ANKRD18B: variants seen among roughly 807,000 people sequenced by gnomAD.
ANKRD18B encodes the protein ankyrin repeat domain 18B, also known as ankyrin repeat domain-containing protein 18B.
Under a neutral mutation model 111.8 loss-of-function variants are expected in ANKRD18B, and 75 were observed. The ratio of observed to expected loss-of-function variants is 0.67; its 90% CI spans 0.56 to 0.81. The LOEUF (loss-of-function observed/expected upper bound fraction) is 0.81. Among genes scored for constraint, ANKRD18B ranks in the 40% least tolerant of loss-of-function variants. The pLI is 0.00. For synonymous variants in ANKRD18B, 356 were observed against 417.3 expected, an observed-to-expected ratio of 0.85 and a Z score of 1.79; for missense variants, 1,038 against 1,225.5, an observed-to-expected ratio of 0.85 and a Z score of 2.28.
At chr9:33,554,946 C>G (rs1828500452) in intron 12 of ANKRD18B, among the ~76,000 whole-genome samples, 1 of 149,790 alleles carries the variant, frequency 6.7e-6, no homozygotes. Context: ...TGCCAAGCAA[C>G]CCAGATGTCT....
chr9:33,569,005 T>C, intron 17 of ANKRD18B, 112 bp downstream of exon 17: 1 of 1,019,526 alleles, frequency 9.8e-7, no homozygotes, highest in Non-Finnish European at 1.4e-6. Context: ...TAAGTAAAGA[T>C]TATAATTAGC....
intron 10 of ANKRD18B, among the ~76,000 whole-genome samples, chr9:33,546,090 T>C (rs905315785): frequency 2.6e-5 from 4 of 152,196 alleles, no homozygotes; most frequent in Non-Finnish European, 5.9e-5. Context: ...GCTAAAGAAA[T>C]ACTGTCTAGA....
intron 4 of ANKRD18B, among the ~76,000 whole-genome samples, chr9:33,534,011 T>C (rs1183411902): frequency 6.6e-6 from 1 of 151,966 alleles, no homozygotes; most frequent in African/African-American, 2.4e-5. Flanking sequence ...AATTACAATA[T>C]AATTCGAAGC....
At chr9:33,546,004 A>G (rs1455427635) in intron 10 of ANKRD18B, among the ~76,000 whole-genome samples, 1 of 152,164 alleles carries the variant, frequency 6.6e-6, no homozygotes, top group Non-Finnish European at 1.5e-5. Context: ...GAGTTTTCCA[A>G]GTGGCATATG....
intron 10 of ANKRD18B, among the ~76,000 whole-genome samples, chr9:33,546,270 T>C (rs1828354110): frequency 2.0e-5 from 3 of 152,208 alleles, no homozygotes; most frequent in Admixed American, 1.3e-4. Flanking sequence ...CTTTCATGCA[T>C]GCAAGTTTAT....
rs913707184 is a variant in ANKRD18B, at chr9:33,538,733, C to CA, written c.809-705dup. 1.6e-3 allele frequency among the ~76,000 whole-genome samples: 224 copies of CA among 139,348 alleles called. 1 individual carries two copies. The highest frequency in any genetic ancestry group is 4.3e-3 in the African/African-American group (162 of 37,892). 91.4% of individuals were successfully genotyped at this position (139,348 alleles called of 152,430 possible). ...TGGGTGACAGAGCAAGATTCCATCT[C>CA]AAAAAAAAAAATACTCTGTTACCAT... On this transcript the variant is annotated intron_variant, in intron 6 of 18. Transcript: ENST00000684830.
intron 10 of ANKRD18B, among the ~76,000 whole-genome samples, chr9:33,547,507 T>A (rs1828374133): frequency 6.6e-6 from 1 of 152,144 alleles, no homozygotes; most frequent in Non-Finnish European, 1.5e-5. Flanking sequence ...CAAATAGATG[T>A]GGAGGTAAAG....
intron 13 of ANKRD18B, among the ~76,000 whole-genome samples, 172 bp from the exon 14 acceptor site, chr9:33,557,886 A>G (rs371980044): frequency 6.6e-6 from 1 of 152,120 alleles, no homozygotes; most frequent in Non-Finnish European, 1.5e-5. Context: ...TATTATTTAT[A>G]TAAGATTATA....
At chr9:33,535,831 T>A (rs865813619) in intron 5 of ANKRD18B, among the ~76,000 whole-genome samples, 63 of 147,510 alleles carry the variant, frequency 4.3e-4, no homozygotes, top group Middle Eastern at 3.6e-3. Context: ...TATATATAGA[T>A]TATATAATCT....
At chr9:33,565,639 AT>A (rs1441854187) in intron 14 of ANKRD18B, among the ~76,000 whole-genome samples, 3 of 149,976 alleles carry the variant, frequency 2.0e-5, no homozygotes, top group Non-Finnish European at 4.5e-5. Flanking sequence ...AATTTTTTAA[AT>A]TTGTTTTTTT....
At chr9:33,567,994 TG>T (rs774910251) in intron 16 of ANKRD18B, among the ~76,000 whole-genome samples, 1 of 152,188 alleles carries the variant, frequency 6.6e-6, no homozygotes, top group Non-Finnish European at 1.5e-5. Context: ...TTGGTCACAG[TG>T]TTGAGGGCTA....
chr9:33,575,318 T>C (rs1289212711), downstream of ANKRD18B, among the ~76,000 whole-genome samples: 1 of 146,644 alleles, frequency 6.8e-6, no homozygotes, highest in Non-Finnish European at 1.5e-5. Flanking sequence ...CTGACCCCCC[T>C]TGGTGGGTAG....
intron 12 of ANKRD18B, among the ~76,000 whole-genome samples, chr9:33,554,407 A>G (rs1183004101): frequency 3.9e-5 from 6 of 152,380 alleles, no homozygotes; most frequent in Non-Finnish European, 5.9e-5. Context: ...TAATATGTGT[A>G]CTAGAGGGAA....
intron 10 of ANKRD18B, among the ~76,000 whole-genome samples, chr9:33,545,347 G>A (rs1224322265): frequency 6.6e-6 from 1 of 152,156 alleles, no homozygotes; most frequent in African/African-American, 2.4e-5. Flanking sequence ...AAATACCACA[G>A]ATTGGAAATT....
intron 10 of ANKRD18B, among the ~76,000 whole-genome samples, chr9:33,543,591 C>T (rs576901125): frequency 6.6e-5 from 10 of 152,144 alleles, no homozygotes; most frequent in South Asian, 2.1e-4. Flanking sequence ...AGCAATTGAA[C>T]GGTGATGGCC....
intron 13 of ANKRD18B, among the ~76,000 whole-genome samples, chr9:33,556,757 T>C (rs1828533190): frequency 1.3e-5 from 2 of 152,262 alleles, no homozygotes; most frequent in African/African-American, 4.8e-5. Flanking sequence ...CATCAAAATT[T>C]ATCTGGATAT....
chr9:33,566,187 C>A (rs538597138), intron 14 of ANKRD18B, 32 bp from the exon 15 acceptor site: 43 of 1,518,350 alleles, frequency 2.8e-5, no homozygotes, highest in Non-Finnish European at 3.8e-5. Context: ...CAGCCTACTT[C>A]ATTATCAAGC....
chr9:33,543,517 C>A (rs182085934), intron 10 of ANKRD18B, among the ~76,000 whole-genome samples: 32 of 152,180 alleles, frequency 2.1e-4, no homozygotes, highest in Admixed American at 4.6e-4. Flanking sequence ...TTTTTATAAT[C>A]TTCTTCCTGA....
chr9:33,572,259 A>G lies in ANKRD18B; in HGVS notation c.3224-57A>G, dbSNP rs528628600. 1,282 of 1,365,546 alleles carry G rather than the reference A, an allele frequency of 9.4e-4. 1 individual carries two copies. Among genetic ancestry groups the G allele is most frequent in the Admixed American group, 1.4e-3 (76 of 53,536 alleles). The allele number at this position is 1,365,546 out of a possible 1,614,324, so 84.6% of individuals were successfully genotyped here. A position where few individuals can be genotyped will look rare whatever the true frequency, so the allele number is the denominator to read the frequency against. ...TCTCAACTCTACATTTTAAACTTAC[A>G]CTTCGTTAACTGAAATGTTTTAGGT... On this transcript the variant is annotated intron_variant, in intron 18 of 18. Transcript: ENST00000684830.
Sources: allele counts gnomAD v4.1 joint callset (sites outside exome capture counted in the v4.1 genomes callset), GRCh38; gene constraint gnomAD v4.1.1; transcripts MANE v1.5; gene names NCBI Gene and HGNC (gene_info 2026-07-23, HGNC 2026-07-21).